The following AGBL1 variants were observed in gnomAD, a reference collection of about 807,000 sequenced individuals.
The protein encoded by AGBL1 is AGBL carboxypeptidase 1.
Under a neutral mutation model 118.9 loss-of-function variants are expected in AGBL1, and 130 were observed. That is an observed-to-expected ratio of 1.09 (90% CI 0.95 to 1.26). AGBL1 has a LOEUF of 1.26. AGBL1 is among the 50% of genes most tolerant of loss of function. The probability of loss-of-function intolerance (pLI) is 0.00; values close to 1 mark genes in which losing one functional copy is unlikely to be tolerated. For missense variants in AGBL1, 1,584 were observed against 1,298.1 expected (o/e 1.22, Z -3.38); for synonymous variants, 555 against 478.9 (o/e 1.16, Z -2.08).
chr15:86,485,178 T>C (rs1241139088), intron 18 of AGBL1, among the ~76,000 whole-genome samples: 1 of 152,160 alleles, frequency 6.6e-6, no homozygotes, highest in Admixed American at 6.5e-5. Flanking sequence ...CCAGTATCAC[T>C]GGCATTACCT....
intron 5 of AGBL1, among the ~76,000 whole-genome samples, chr15:86,163,737 T>A (rs1026262706): frequency 4.7e-5 from 7 of 149,994 alleles, no homozygotes; most frequent in East Asian, 2.0e-4. Context: ...CAAAAAAAAA[T>A]GAATAAATAA....
rs1244983251 is a variant in AGBL1, at chr15:86,636,740, TATATATATATATATATATACAC to T, written c.2995-37529_2995-37508del. ...ATATATATATATATATATATATATATATATATATATATATATATACACATACATACAGAAAGGCAAGAGAAGA... is the reference window on the plus strand; with the variant it reads ...ATATATATATATATATATATATATATATACATACAGAAAGGCAAGAGAAGA... On this transcript the variant is annotated intron_variant, in intron 21 of 22. Transcript: ENST00000614907. 1.5e-3 allele frequency among the ~76,000 whole-genome samples: 81 copies of T among 52,694 alleles called. 2 individuals carry two copies. Among genetic ancestry groups the T allele is most frequent in the African/African-American group, 7.8e-3 (76 of 9,776 alleles). 34.6% of individuals were successfully genotyped at this position (52,694 alleles called of 152,430 possible). A position where few individuals can be genotyped will look rare whatever the true frequency, so the allele number is the denominator to read the frequency against.
chr15:86,770,723 G>A (rs535372129), intron 22 of AGBL1, among the ~76,000 whole-genome samples: 1 of 152,066 alleles, frequency 6.6e-6, no homozygotes, highest in South Asian at 2.1e-4. Flanking sequence ...CTCACGGGCT[G>A]GGGCATGGAG....
intron 22 of AGBL1, among the ~76,000 whole-genome samples, chr15:86,688,252 A>G: frequency 6.6e-6 from 1 of 151,196 alleles, no homozygotes; most frequent in East Asian, 2.0e-4. Flanking sequence ...TGATATTTAG[A>G]CTGAGAAAGA....
chr15:86,145,656 C>T (rs2077023619), intron 3 of AGBL1, among the ~76,000 whole-genome samples: 1 of 152,122 alleles, frequency 6.6e-6, no homozygotes, highest in African/African-American at 2.4e-5. Context: ...TAGGCTTTTG[C>T]CAACACCTGC....
At chr15:86,901,550 C>G (rs1567231297) in intron 22 of AGBL1, among the ~76,000 whole-genome samples, 1 of 151,996 alleles carries the variant, frequency 6.6e-6, no homozygotes, top group Non-Finnish European at 1.5e-5. Context: ...TTTTGTTAGA[C>G]CAACTTATAA....
At chr15:86,863,120 C>A (rs757519647) in intron 22 of AGBL1, among the ~76,000 whole-genome samples, 2 of 151,972 alleles carry the variant, frequency 1.3e-5, no homozygotes, top group Non-Finnish European at 2.9e-5. Flanking sequence ...AGATTCCATG[C>A]GTATAAATAG....
intron 21 of AGBL1, among the ~76,000 whole-genome samples, chr15:86,655,935 G>A (rs1596341991): frequency 1.3e-5 from 2 of 152,120 alleles, no homozygotes; most frequent in African/African-American, 4.8e-5. Flanking sequence ...TTAAATATTG[G>A]ACAAGTTAAT....
At chr15:86,403,342 C>T (rs1430886338) in intron 18 of AGBL1, among the ~76,000 whole-genome samples, 3 of 152,038 alleles carry the variant, frequency 2.0e-5, no homozygotes, top group African/African-American at 7.2e-5. Flanking sequence ...TCTTTCAAGG[C>T]CATTGTGGAA....
At position 86,089,805 on chromosome 15, in the gene AGBL1, C is replaced by G. The variant is rs140401892; in HGVS notation, c.51+9782C>G. On this transcript the variant is annotated intron_variant, in intron 1 of 22. Coordinates refer to ENST00000614907, the MANE Select transcript of AGBL1 (RefSeq NM_001386094.1). ...CTGAGGATAATGCAGATACCCTTTACTTTTCATATTTAGATTAAGAGGACA... is the reference window on the plus strand; with the variant it reads ...CTGAGGATAATGCAGATACCCTTTAGTTTTCATATTTAGATTAAGAGGACA... Among the ~76,000 whole-genome samples, 38 of 152,226 alleles carry G rather than the reference C, an allele frequency of 2.5e-4. No homozygotes were observed. The East Asian group carries it at 7.1e-3, about 29-fold the overall frequency.
At chr15:86,525,777 G>A (rs2083254896) in intron 19 of AGBL1, among the ~76,000 whole-genome samples, 1 of 152,048 alleles carries the variant, frequency 6.6e-6, no homozygotes, top group African/African-American at 2.4e-5. Flanking sequence ...GAAAACCTAC[G>A]AAAAACTCTT....
intron 19 of AGBL1, 77 bp downstream of exon 19, chr15:86,523,016 G>C: frequency 6.6e-7 from 1 of 1,518,126 alleles, no homozygotes; most frequent in South Asian, 1.1e-5. Flanking sequence ...ATTCTGCCAA[G>C]GCAAGAATAG....
intron 6 of AGBL1, among the ~76,000 whole-genome samples, chr15:86,225,922 A>C (rs2078354881): frequency 6.6e-6 from 1 of 152,328 alleles, no homozygotes; most frequent in African/African-American, 2.4e-5. Flanking sequence ...AGGCTTAGAA[A>C]AATTGAAGCT....
chr15:86,445,587 G>A (rs16977247), intron 18 of AGBL1, among the ~76,000 whole-genome samples: 410 of 152,342 alleles, frequency 2.7e-3, no homozygotes, highest in African/African-American at 9.2e-3. Flanking sequence ...GCCTGCTAGC[G>A]AGTGTGGTAA....
rs75396647 is a variant in AGBL1, at chr15:86,520,288, T to C, written c.2556-2522T>C. On this transcript the variant is annotated intron_variant, in intron 18 of 22. Transcript: ENST00000614907. Reference sequence around the variant, plus strand: ...GAGATAGAAGTATATGATATTTCTCTATAGGGATATCTAAAATAGCTATTT... The same window carrying C: ...GAGATAGAAGTATATGATATTTCTCCATAGGGATATCTAAAATAGCTATTT... Among the ~76,000 whole-genome samples, 512 of 152,322 alleles carry C rather than the reference T, an allele frequency of 3.4e-3. 2 individuals are homozygous for C. Among genetic ancestry groups the C allele is most frequent in the Middle Eastern group, 0.01 (3 of 294 alleles).
chr15:86,199,684 G>A (rs1307833833), intron 5 of AGBL1, among the ~76,000 whole-genome samples: 1 of 152,152 alleles, frequency 6.6e-6, no homozygotes. Flanking sequence ...TAGCTACGTG[G>A]CTTGAATTGA....
At chr15:86,436,640 T>C (rs2082003624) in intron 18 of AGBL1, among the ~76,000 whole-genome samples, 1 of 152,182 alleles carries the variant, frequency 6.6e-6, no homozygotes, top group Non-Finnish European at 1.5e-5. Flanking sequence ...CCATAACAAT[T>C]ACACTAAGTT....
At chr15:86,373,872 A>T (rs954772820) in intron 17 of AGBL1, among the ~76,000 whole-genome samples, 3 of 152,198 alleles carry the variant, frequency 2.0e-5, no homozygotes, top group Non-Finnish European at 4.4e-5. Flanking sequence ...TTGCTTTATT[A>T]TGGTGAGGTT....
At position 86,410,175 on chromosome 15, in the gene AGBL1, G is replaced by A. The variant is rs35662520; in HGVS notation, c.2555+12629G>A. Among the ~76,000 whole-genome samples, 1,210 of 152,224 alleles carry A rather than the reference G, an allele frequency of 7.9e-3. 8 individuals are homozygous for A. The highest frequency in any genetic ancestry group is 0.012 in the Non-Finnish European group (816 of 68,014). ...ATGGGAAAATAGGAAGCATAGCTCT[G>A]AGAACCCCCACCAAAACTGAGGAAG... is the stretch of plus-strand genomic sequence containing the variant. On this transcript the variant is annotated intron_variant, in intron 18 of 22. Coordinates refer to ENST00000614907, the MANE Select transcript of AGBL1 (RefSeq NM_001386094.1).
Sources: gnomAD v4.1 joint callset for allele counts (sites outside exome capture counted in the v4.1 genomes callset) on GRCh38, gnomAD v4.1.1 for gene constraint, MANE v1.5 for transcripts, NCBI Gene and HGNC (gene_info 2026-07-23, HGNC 2026-07-21) for gene names.